The following DGKB variants were observed in gnomAD, a reference collection of about 807,000 sequenced individuals.
DGKB encodes the protein diacylglycerol kinase beta.
In DGKB, 67 loss-of-function variants were observed where a neutral mutation model predicts 114.3. That is an observed-to-expected ratio of 0.59 (90% CI 0.48 to 0.72). DGKB has a LOEUF of 0.72. Among genes scored for constraint, DGKB ranks in the 30% least tolerant of loss-of-function variants. The pLI is 0.00. For synonymous variants in DGKB, 398 were observed against 323.1 expected, an observed-to-expected ratio of 1.23 and a Z score of -2.49; for missense variants, 907 against 975.2, an observed-to-expected ratio of 0.93 and a Z score of 0.93.
In DGKB at chr7:14,271,246, G is replaced by C. The variant is rs541697949; in HGVS notation, c.2122+67269C>G. 5.3e-5 allele frequency among the ~76,000 whole-genome samples: 8 copies of C among 152,220 alleles called. No homozygotes were observed. In the East Asian group the frequency reaches 1.2e-3, roughly 22 times the overall value. On this transcript the variant is annotated intron_variant, in intron 23 of 25. Transcript: ENST00000402815. ...AAATCTGAACTTCCATTCAAAGAGA[G>C]ATAACATGAGAAGCAGAATATATAG...
intron 23 of DGKB, among the ~76,000 whole-genome samples, chr7:14,249,377 C>G (rs1022877171): frequency 6.6e-6 from 1 of 151,986 alleles, no homozygotes; most frequent in Admixed American, 6.6e-5. Context: ...GGGAGGTATT[C>G]CTTCTTCTTC....
chr7:14,969,321 C>T (rs539653413), intron 1 of DGKB, among the ~76,000 whole-genome samples: 2 of 152,300 alleles, frequency 1.3e-5, no homozygotes, highest in South Asian at 2.1e-4. Flanking sequence ...AACTGAGTTA[C>T]AGTCAGGCTT....
chr7:14,947,623 C>T (rs1252655342), intron 1 of DGKB, among the ~76,000 whole-genome samples: 2 of 140,800 alleles, frequency 1.4e-5, no homozygotes, highest in African/African-American at 5.3e-5. Context: ...AAAAACAAAC[C>T]TGAAAGTTTT....
At chr7:14,248,934 A>G (rs968051525) in intron 23 of DGKB, among the ~76,000 whole-genome samples, 2 of 152,108 alleles carry the variant, frequency 1.3e-5, no homozygotes, top group Non-Finnish European at 2.9e-5. Flanking sequence ...TTTAGGAGAA[A>G]AGCTTTCAAC....
chr7:14,767,766 A>T (rs1836684471), intron 2 of DGKB, among the ~76,000 whole-genome samples: 1 of 151,988 alleles, frequency 6.6e-6, no homozygotes, highest in Non-Finnish European at 1.5e-5. Flanking sequence ...TGTTTAAGGA[A>T]ATGCAAGTAT....
chr7:14,537,814 C>A (rs1180178275), intron 20 of DGKB, among the ~76,000 whole-genome samples: 3 of 152,162 alleles, frequency 2.0e-5, no homozygotes, highest in Non-Finnish European at 4.4e-5. Context: ...GGCGCGGTGG[C>A]TCACGCCTGT....
intron 20 of DGKB, among the ~76,000 whole-genome samples, chr7:14,562,283 G>T (rs1456027303): frequency 2.0e-5 from 3 of 152,208 alleles, no homozygotes; most frequent in Non-Finnish European, 2.9e-5. Flanking sequence ...TTTGCTACAG[G>T]GGTGGGGACC....
chr7:14,825,455 GA>G (rs1410066546), intron 2 of DGKB, among the ~76,000 whole-genome samples: 2 of 152,144 alleles, frequency 1.3e-5, no homozygotes, highest in Non-Finnish European at 2.9e-5. Flanking sequence ...GGGAGACAGT[GA>G]CAGATATCGG....
intron 1 of DGKB, among the ~76,000 whole-genome samples, chr7:14,971,987 C>G (rs1787500435): frequency 6.6e-6 from 1 of 152,120 alleles, no homozygotes; most frequent in Non-Finnish European, 1.5e-5. Flanking sequence ...CTCAGGTGAT[C>G]TGCCCACTTA....
At chr7:14,606,772 C>T (rs1804588113) in intron 17 of DGKB, among the ~76,000 whole-genome samples, 2 of 151,880 alleles carry the variant, frequency 1.3e-5, no homozygotes, top group African/African-American at 4.8e-5. Flanking sequence ...TCAGTAACTT[C>T]AAAAGTATAC....
chr7:14,759,050 A>C (rs1280977024), intron 2 of DGKB, among the ~76,000 whole-genome samples: 1 of 152,066 alleles, frequency 6.6e-6, no homozygotes, highest in African/African-American at 2.4e-5. Context: ...TCAGCCTCCC[A>C]AGTAGCTGGG....
chr7:14,355,416 G>C (rs1344956694), intron 21 of DGKB, among the ~76,000 whole-genome samples: 1 of 152,156 alleles, frequency 6.6e-6, no homozygotes, highest in Non-Finnish European at 1.5e-5. Context: ...CTGTGGATGT[G>C]TCATAAATTG....
intron 20 of DGKB, among the ~76,000 whole-genome samples, chr7:14,527,702 C>T (rs1790865329): frequency 6.6e-6 from 1 of 151,854 alleles, no homozygotes; most frequent in African/African-American, 2.4e-5. Context: ...ATGAATACTT[C>T]CAATTTTTTA....
chr7:14,939,946 A>C (rs1785481570), intron 1 of DGKB, among the ~76,000 whole-genome samples: 1 of 152,132 alleles, frequency 6.6e-6, no homozygotes, highest in Admixed American at 6.5e-5. Context: ...AATTTATTTA[A>C]TTTGAATGTT....
chr7:14,932,845 G>A (rs1377916424), intron 1 of DGKB, among the ~76,000 whole-genome samples: 1 of 152,152 alleles, frequency 6.6e-6, no homozygotes, highest in African/African-American at 2.4e-5. Flanking sequence ...TTGGTACCTA[G>A]TGGGAGGCTG....
intron 1 of DGKB, among the ~76,000 whole-genome samples, chr7:14,851,812 G>A (rs962155871): frequency 6.6e-6 from 1 of 152,172 alleles, no homozygotes; most frequent in African/African-American, 2.4e-5. Context: ...CCATGTATAA[G>A]TGTAACAGGA....
chr7:14,820,362 G>C (rs1844752373), intron 2 of DGKB, among the ~76,000 whole-genome samples: 1 of 151,974 alleles, frequency 6.6e-6, no homozygotes, highest in Non-Finnish European at 1.5e-5. Context: ...TTTCCAAATT[G>C]CTTGTGCCAT....
intron 1 of DGKB, among the ~76,000 whole-genome samples, chr7:14,944,054 C>T (rs913044962): frequency 1.3e-5 from 2 of 151,786 alleles, no homozygotes; most frequent in Admixed American, 6.6e-5. Context: ...AGCTCATCAT[C>T]GATCCCATTG....
At chr7:14,278,660 T>C (rs1392512715) in intron 23 of DGKB, among the ~76,000 whole-genome samples, 1 of 152,092 alleles carries the variant, frequency 6.6e-6, no homozygotes, top group Non-Finnish European at 1.5e-5. Flanking sequence ...CTAAAAATGT[T>C]CTGCATGGGA....
Sources: gnomAD v4.1 joint callset for allele counts (sites outside exome capture counted in the v4.1 genomes callset) on GRCh38, gnomAD v4.1.1 for gene constraint, MANE v1.5 for transcripts, NCBI Gene and HGNC (gene_info 2026-07-23, HGNC 2026-07-21) for gene names.